CLEC10A: variants seen among roughly 807,000 people sequenced by gnomAD.
CLEC10A encodes C-type lectin domain containing 10A.
CLEC10A carries 38 observed loss-of-function variants against 42.0 expected under a neutral mutation model. That is an observed-to-expected ratio of 0.90 (90% CI 0.70 to 1.18). CLEC10A has a LOEUF of 1.18. Among genes scored for constraint, CLEC10A ranks in the 50% most tolerant of loss-of-function variants. CLEC10A has a pLI of 0.00. For missense variants in CLEC10A, 298 were observed against 345.9 expected, an observed-to-expected ratio of 0.86 and a Z score of 1.10; for synonymous variants, 126 against 139.9, an observed-to-expected ratio of 0.90 and a Z score of 0.70.
chr17:7,075,724 C>G lies in CLEC10A; in HGVS notation c.594+7G>C. 6.2e-7 allele frequency: 1 copy of G among 1,614,196 alleles called. No homozygotes were observed. The highest frequency in any genetic ancestry group is 8.5e-7 in the Non-Finnish European group (1 of 1,180,042). The stretch of plus-strand genomic sequence containing the variant: ...TGTCTTAGGAACTGAGTACCAGAAG[C>G]CCTCACCTGCTCCTCCCTGGAGTTG... On this transcript the variant is annotated splice_region_variant and intron_variant, in intron 7 of 8. Coordinates refer to ENST00000416562, the MANE Select transcript of CLEC10A (RefSeq NM_001330070.2).
intron 2 of CLEC10A, 74 bp from the exon 3 acceptor site, chr17:7,078,187 C>A: frequency 1.7e-6 from 2 of 1,170,622 alleles, no homozygotes; most frequent in Non-Finnish European, 2.5e-6. Context: ...GCCCAGGGAG[C>A]TGTCTAGTGA....
rs533440216 is a variant in CLEC10A at position 7,076,718 on chromosome 17, C to T, written c.352+15G>A. ...GCGCCTAGCCCCCCACACCCATACT[C>T]GGAGGGTCTCTCACCTGCCTGCCGT... On this transcript the variant is annotated intron_variant, in intron 5 of 8. Coordinates refer to ENST00000416562, the MANE Select transcript of CLEC10A (RefSeq NM_001330070.2). 4.3e-6 allele frequency: 7 copies of T among 1,613,546 alleles called. No homozygotes were observed. Among genetic ancestry groups the T allele is most frequent in the East Asian group, 2.2e-5 (1 of 44,826 alleles).
At position 7,077,911 on chromosome 17, in the gene CLEC10A, C is replaced by T. The variant is rs918539112; in HGVS notation, c.184+86G>A. On this transcript the variant is annotated intron_variant, in intron 3 of 8. Transcript: ENST00000416562. The stretch of plus-strand genomic sequence containing the variant: ...GCTCCTACTGTGGACCTCACCATCG[C>T]CCCACCACTGCCCTACTGTAGCACC... 9 of 1,036,314 alleles carry T rather than the reference C, an allele frequency of 8.7e-6. No individual in the cohort carries two copies. The African/African-American group carries it at 9.6e-5, about 11-fold the overall frequency. 64.2% of individuals were successfully genotyped at this position (1,036,314 alleles called of 1,614,324 possible).
intron 2 of CLEC10A, chr17:7,078,338 T>G: frequency 1.9e-6 from 1 of 519,450 alleles, no homozygotes; most frequent in African/African-American, 1.9e-5. Flanking sequence ...ACCCACGTGA[T>G]AGCGATATGA....
rs867799020 is a variant in CLEC10A at position 7,074,996 on chromosome 17, G to A, written c.*58C>T. 7.1e-7 allele frequency: 1 copy of A among 1,411,364 alleles called. No homozygotes were observed. Among genetic ancestry groups the A allele is most frequent in the Admixed American group, 2.7e-5 (1 of 37,142 alleles). The allele number at this position is 1,411,364 out of a possible 1,614,324, so 87.4% of individuals were successfully genotyped here. Reference sequence around the variant, plus strand: ...CAGAGCGGTCTTGCGAGGAGGTCGTGAGAAGAGTCCTCCTCCCACCGCCAT... The same window carrying A: ...CAGAGCGGTCTTGCGAGGAGGTCGTAAGAAGAGTCCTCCTCCCACCGCCAT... On this transcript the variant is annotated 3_prime_UTR_variant, in exon 9 of 9. Coordinates refer to ENST00000416562, the MANE Select transcript of CLEC10A (RefSeq NM_001330070.2).
chr17:7,076,072 C>T lies in CLEC10A; in HGVS notation c.353-1G>A. ...ACTCGCAGGAGCATTTCAGAATGAA[C>T]TGGGACACACACAGATGGGCAGTGG... is the stretch of plus-strand genomic sequence containing the variant. On this transcript the variant is annotated splice_acceptor_variant, in intron 5 of 8. Transcript: ENST00000416562. LOFTEE classifies it high-confidence loss of function. The T allele has an allele frequency of 1.2e-6, 2 of 1,614,176 alleles. No individual in the cohort carries two copies. Among genetic ancestry groups the T allele is most frequent in the East Asian group, 4.5e-5 (2 of 44,874 alleles).
intron 5 of CLEC10A, 65 bp from the exon 6 acceptor site, chr17:7,076,136 C>T: frequency 1.2e-6 from 2 of 1,614,000 alleles, no homozygotes; most frequent in South Asian, 1.1e-5. Context: ...TAGTGTGTTC[C>T]TGGAGCTCAG....
At chr17:7,076,208 CATGGCCAGGT>C in intron 5 of CLEC10A, 137 bp from the exon 6 acceptor site, 1 of 1,525,222 alleles carries the variant, frequency 6.6e-7, no homozygotes, top group Non-Finnish European at 8.9e-7. Context: ...CCCCCTACAT[CATGGCCAGGT>C]ACAGCCATCA....
chr17:7,076,183 T>TTGGGGCG, intron 5 of CLEC10A, 112 bp from the exon 6 acceptor site: 1 of 1,589,754 alleles, frequency 6.3e-7, no homozygotes, highest in Non-Finnish European at 8.6e-7. Context: ...GAATGTTCCT[T>TTGGGGCG]CCCGCCCCCA....
chr17:7,076,307 C>CTTTTTTTTTT (rs1206807036), intron 5 of CLEC10A, among the ~76,000 whole-genome samples: 1 of 121,130 alleles, frequency 8.3e-6, no homozygotes, highest in Non-Finnish European at 1.7e-5. Context: ...TTCTTTCTTT[C>CTTTTTTTTTT]TTTTTTTTTT....
chr17:7,076,632 G>A, intron 5 of CLEC10A, 101 bp downstream of exon 5: 1 of 1,337,072 alleles, frequency 7.5e-7, no homozygotes, highest in Non-Finnish European at 1.1e-6. Flanking sequence ...CTTTCAAGCT[G>A]CTGGCTGAAG....
At chr17:7,077,527 GA>G (rs1274689190) in intron 3 of CLEC10A, among the ~76,000 whole-genome samples, 10 of 38,738 alleles carry the variant, frequency 2.6e-4, no homozygotes, top group Admixed American at 1.7e-3. Context: ...CCCCATCAGT[GA>G]CCCCCCACCG....
chr17:7,076,254 T>C, intron 5 of CLEC10A, 183 bp from the exon 6 acceptor site: 3 of 1,026,088 alleles, frequency 2.9e-6, no homozygotes, highest in Non-Finnish European at 4.1e-6. Context: ...CCTCTGCCCC[T>C]GTTTCTCCAG....
In CLEC10A at chr17:7,074,864, G is replaced by GA. The variant is rs1164524736; in HGVS notation, c.*189dup. On this transcript the variant is annotated 3_prime_UTR_variant, in exon 9 of 9. Transcript: ENST00000416562. Reference sequence around the variant, plus strand: ...TCATGAAGTTGACTTTCAAAAGTTGGAAAAAAAATAAAAGCTTAAGAACAC... The same window carrying GA: ...TCATGAAGTTGACTTTCAAAAGTTGGAAAAAAAAATAAAAGCTTAAGAACAC... 4.0e-5 allele frequency: 17 copies of GA among 421,310 alleles called. No homozygotes were observed. The highest frequency in any genetic ancestry group is 3.2e-4 in the East Asian group (9 of 27,838). The allele number at this position is 421,310 out of a possible 1,614,324, so 26.1% of individuals were successfully genotyped here. A position where few individuals can be genotyped will look rare whatever the true frequency, so the allele number is the denominator to read the frequency against.
rs200068112 is a variant in CLEC10A, at chr17:7,075,918, G to A, written c.440-33C>T. The A allele has an allele frequency of 1.8e-5, 29 of 1,611,484 alleles. 1 individual carries two copies. In the Admixed American group the frequency reaches 4.5e-4, roughly 25 times the overall value. ...GGGAGAAATAGGATAGGGTGGAGAGGCTGAGGCTCTGCCCAGTGGGCCATG... is the reference window on the plus strand; with the variant it reads ...GGGAGAAATAGGATAGGGTGGAGAGACTGAGGCTCTGCCCAGTGGGCCATG... On this transcript the variant is annotated intron_variant, in intron 6 of 8. Transcript: ENST00000416562.
intron 3 of CLEC10A, among the ~76,000 whole-genome samples, chr17:7,077,715 T>TCCC (rs2151687219): frequency 3.5e-5 from 5 of 144,836 alleles, no homozygotes; most frequent in African/African-American, 5.1e-5. Context: ...CCCCTACCGT[T>TCCC]ACCATCAATC....
At position 7,078,198 on chromosome 17, in the gene CLEC10A, G is replaced by C. The variant is rs983196969; in HGVS notation, c.68-85C>G. On this transcript the variant is annotated intron_variant, in intron 2 of 8. Coordinates refer to ENST00000416562, the MANE Select transcript of CLEC10A (RefSeq NM_001330070.2). ...GAGGGCCCAGGGAGCTGTCTAGTGA[G>C]GAGGGCTGGGCACAGGGGACTCCAG... 2.9e-6 allele frequency: 3 copies of C among 1,018,494 alleles called. No homozygotes were observed. The African/African-American group carries it at 4.9e-5, about 17-fold the overall frequency. 63.1% of individuals were successfully genotyped at this position (1,018,494 alleles called of 1,614,324 possible).
rs1455226107 is a variant in CLEC10A, at chr17:7,075,365, G to A, written c.696C>T (p.Gly232=). Residue 232 remains glycine (G), a synonymous_variant, in exon 8 of 9, where the codon GGC becomes GGT. Coordinates refer to ENST00000416562, the MANE Select transcript of CLEC10A (RefSeq NM_001330070.2). ...GAAAGCCAGGGTGCACTCACTGGAA[G>A]CCGGTCGCATAGTCTGTTCCATCCA... is the stretch of plus-strand genomic sequence containing the variant. The part of the protein sequence containing the change: ...KWVDGTDYAT[G]FQNWKPGQPD... 1 of 1,515,202 alleles carries A rather than the reference G, an allele frequency of 6.6e-7. No individual in the cohort carries two copies. 93.9% of individuals were successfully genotyped at this position (1,515,202 alleles called of 1,614,324 possible).
At position 7,075,094 on chromosome 17, in the gene CLEC10A, C is replaced by A; in HGVS notation, c.830G>T (p.Cys277Phe). ...GCTGGTCTGACCCAGGCCAGCCTCG[C>A]AGACCCAGTGGTAGGGCCTCTGGCA... ...DVCQRPYHWV[C>F]EAGLGQTSQE... The change falls in exon 9 of 9, where the codon TGC becomes TTC. Residue 277 changes from cysteine to phenylalanine, a missense_variant. Transcript: ENST00000416562. 6.3e-7 allele frequency: 1 copy of A among 1,598,918 alleles called. No individual in the cohort carries two copies. Among genetic ancestry groups the A allele is most frequent in the Non-Finnish European group, 8.5e-7 (1 of 1,175,930 alleles).
Sources: allele counts gnomAD v4.1 joint callset (sites outside exome capture counted in the v4.1 genomes callset), GRCh38; gene constraint gnomAD v4.1.1; transcripts MANE v1.5; gene names NCBI Gene and HGNC (gene_info 2026-07-23, HGNC 2026-07-21).